Variants in GRM1 observed in about 807,000 individuals in gnomAD.
GRM1 encodes metabotropic glutamate receptor 1.
In GRM1, 33 loss-of-function variants were observed where a neutral mutation model predicts 90.9. The observed-to-expected ratio is 0.36, with a 90% CI of 0.28 to 0.49. The LOEUF is 0.49. Among genes scored for constraint, GRM1 ranks in the 20% least tolerant of loss-of-function variants. GRM1 has a pLI of 0.99. For synonymous variants in GRM1, 700 were observed against 613.2 expected, an observed-to-expected ratio of 1.14 and a Z score of -2.09; for missense variants, 1,190 against 1,534.3, an observed-to-expected ratio of 0.78 and a Z score of 3.75.
intron 1 of GRM1, among the ~76,000 whole-genome samples, chr6:146,104,939 T>C (rs1271490879): frequency 6.6e-6 from 1 of 152,152 alleles, no homozygotes; most frequent in African/African-American, 2.4e-5. Flanking sequence ...AATGGGTCTT[T>C]GTAAGGAGAG....
intron 7 of GRM1, among the ~76,000 whole-genome samples, chr6:146,407,144 G>A (rs1483825486): frequency 4.6e-5 from 7 of 152,142 alleles, no homozygotes; most frequent in Non-Finnish European, 7.3e-5. Flanking sequence ...ACTTTAGAAC[G>A]AACGTAGCTT....
At chr6:146,093,692 A>G (rs1260360700) in intron 1 of GRM1, among the ~76,000 whole-genome samples, 3 of 152,026 alleles carry the variant, frequency 2.0e-5, no homozygotes, top group African/African-American at 7.2e-5. Context: ...TTACTATGAA[A>G]GTGAGTTTTC....
intron 1 of GRM1, among the ~76,000 whole-genome samples, chr6:146,030,741 A>G (rs573401558): frequency 1.3e-5 from 2 of 152,336 alleles, no homozygotes; most frequent in Admixed American, 6.5e-5. Context: ...TGAATGTAGG[A>G]TTAATGCAGT....
intron 4 of GRM1, among the ~76,000 whole-genome samples, chr6:146,354,283 A>G (rs772925067): frequency 6.6e-6 from 1 of 152,228 alleles, no homozygotes. Flanking sequence ...GAGGTTCAGA[A>G]CATTGACTAC....
intron 2 of GRM1, among the ~76,000 whole-genome samples, chr6:146,235,983 C>A (rs1462728964): frequency 1.3e-5 from 2 of 151,796 alleles, no homozygotes; most frequent in Non-Finnish European, 2.9e-5. Flanking sequence ...AAAGATATGC[C>A]ATTTTTGGTA....
chr6:146,281,878 G>T (rs1304253452), intron 2 of GRM1, among the ~76,000 whole-genome samples: 1 of 152,114 alleles, frequency 6.6e-6, no homozygotes, highest in Non-Finnish European at 1.5e-5. Context: ...TGTACATTTG[G>T]CAACCTTGTG....
intron 2 of GRM1, among the ~76,000 whole-genome samples, chr6:146,189,041 TA>T (rs1294250806): frequency 6.6e-6 from 1 of 152,222 alleles, no homozygotes; most frequent in African/African-American, 2.4e-5. Flanking sequence ...AGAGAGAAGC[TA>T]AACCAATATG....
At chr6:146,140,837 T>C (rs1193361374) in intron 1 of GRM1, among the ~76,000 whole-genome samples, 1 of 152,246 alleles carries the variant, frequency 6.6e-6, no homozygotes, top group Admixed American at 6.5e-5. Context: ...ATTTATGTTT[T>C]GGAAAGTTGT....
chr6:146,107,640 T>C (rs1775364001), intron 1 of GRM1, among the ~76,000 whole-genome samples: 1 of 152,338 alleles, frequency 6.6e-6, no homozygotes, highest in African/African-American at 2.4e-5. Context: ...TTAATCATCT[T>C]TCATTTGCAT....
rs142519636 is a variant in GRM1 at position 146,181,456 on chromosome 6, A to G, written c.950+21859A>G. Among the ~76,000 whole-genome samples, 683 of 152,318 alleles carry G rather than the reference A, an allele frequency of 4.5e-3. 3 individuals carry two copies. The highest frequency in any genetic ancestry group is 0.015 in the African/African-American group (617 of 41,582). On this transcript the variant is annotated intron_variant, in intron 2 of 7. Transcript: ENST00000282753. ...TTCAATCTTCAAGTGAGAAAAGAAC[A>G]TTTCAAAAAGAAGATCAAGGTCCTT...
rs904991809 is a variant in GRM1, at chr6:146,436,243, C to T, written c.*1447C>T. 2.6e-5 allele frequency: 4 copies of T among 152,104 alleles called. No homozygotes were observed. Among genetic ancestry groups the T allele is most frequent in the South Asian group, 2.1e-4 (1 of 4,822 alleles). 9.4% of individuals were successfully genotyped at this position (152,104 alleles called of 1,614,324 possible). A position where few individuals can be genotyped will look rare whatever the true frequency, so the allele number is the denominator to read the frequency against. On this transcript the variant is annotated 3_prime_UTR_variant, in exon 8 of 8. Coordinates refer to ENST00000282753, the MANE Select transcript of GRM1 (RefSeq NM_001278064.2). ...TGGCTCAAGGTTTTCATATGCAGCTCGGATGGACATTTTTCTTCTAAGATG... is the reference window on the plus strand; with the variant it reads ...TGGCTCAAGGTTTTCATATGCAGCTTGGATGGACATTTTTCTTCTAAGATG...
At chr6:146,109,250 G>T (rs1479639739) in intron 1 of GRM1, among the ~76,000 whole-genome samples, 1 of 152,182 alleles carries the variant, frequency 6.6e-6, no homozygotes, top group Non-Finnish European at 1.5e-5. Context: ...GAAGGAAAAA[G>T]TGATTTTGTG....
intron 7 of GRM1, among the ~76,000 whole-genome samples, chr6:146,418,321 G>A (rs78050886): frequency 0.013 from 1,961 of 151,732 alleles, 47 homozygotes; most frequent in African/African-American, 0.045. Flanking sequence ...AAGAATCATG[G>A]TCTGAATTAT....
At chr6:146,226,791 G>A (rs1405821046) in intron 2 of GRM1, among the ~76,000 whole-genome samples, 1 of 152,076 alleles carries the variant, frequency 6.6e-6, no homozygotes, top group African/African-American at 2.4e-5. Context: ...GGGCACCTGT[G>A]ATTCTATGCT....
chr6:146,245,083 A>G (rs1183951810), intron 2 of GRM1, among the ~76,000 whole-genome samples: 1 of 152,212 alleles, frequency 6.6e-6, no homozygotes, highest in Non-Finnish European at 1.5e-5. Context: ...TCTCAAGGTT[A>G]ATTGCAGTCC....
chr6:146,183,349 A>G (rs560904498), intron 2 of GRM1, among the ~76,000 whole-genome samples: 7 of 152,314 alleles, frequency 4.6e-5, no homozygotes, highest in African/African-American at 1.4e-4. Context: ...GTGCCCAACT[A>G]GGAACTCTTA....
In GRM1 at chr6:146,435,156, T is replaced by G; in HGVS notation, c.*360T>G. The stretch of plus-strand genomic sequence containing the variant: ...GCACAATTGTGCATAGATATATATA[T>G]GCCCACACACACTGGGCCATGCTTG... On this transcript the variant is annotated 3_prime_UTR_variant, in exon 8 of 8. Transcript: ENST00000282753. 2.7e-6 allele frequency: 1 copy of G among 374,090 alleles called. No individual in the cohort carries two copies. 23.2% of individuals were successfully genotyped at this position (374,090 alleles called of 1,614,324 possible).
At chr6:146,281,110 A>G (rs571358836) in intron 2 of GRM1, among the ~76,000 whole-genome samples, 3 of 152,320 alleles carry the variant, frequency 2.0e-5, no homozygotes, top group African/African-American at 7.2e-5. Flanking sequence ...AAGAACAAAA[A>G]CATTTGGAAG....
At chr6:146,189,226 G>A (rs370582147) in intron 2 of GRM1, among the ~76,000 whole-genome samples, 213 of 152,194 alleles carry the variant, frequency 1.4e-3, no homozygotes, top group African/African-American at 4.4e-3. Context: ...TAAGCCTTAA[G>A]ATCCTTGATC....
Sources: gnomAD v4.1 joint callset for allele counts (sites outside exome capture counted in the v4.1 genomes callset) on GRCh38, gnomAD v4.1.1 for gene constraint, MANE v1.5 for transcripts, NCBI Gene and HGNC (gene_info 2026-07-23, HGNC 2026-07-21) for gene names.